RAD51AP2: variants seen among roughly 807,000 people sequenced by gnomAD.
The protein encoded by RAD51AP2 is RAD51-associated protein 2.
In RAD51AP2, 67 loss-of-function variants were observed where a neutral mutation model predicts 85.5. The observed-to-expected ratio is 0.78, with a 90% CI of 0.64 to 0.96. The LOEUF is 0.96. Ranked by LOEUF, RAD51AP2 falls within the 40% of genes least tolerant of loss-of-function variation. RAD51AP2 has a pLI of 0.00. For missense variants in RAD51AP2, 1,307 were observed against 1,332.4 expected, an observed-to-expected ratio of 0.98 and a Z score of 0.30; for synonymous variants, 474 against 446.5, an observed-to-expected ratio of 1.06 and a Z score of -0.78.
Position 17,515,864 on chromosome 2 carries a change from T to G in RAD51AP2, c.2552A>C (p.His851Pro). The change falls in exon 1 of 3, where the codon CAC becomes CCC. Residue 851 changes from histidine to proline, a missense_variant. By Grantham distance (77) the His-to-Pro change is moderately conservative. Transcript: ENST00000399080. ...TTCCTTTTCTATCTTAGTATCTTTG[T>G]GAACTTGGCAACTATTTGTTAAACT... ...AESLTNSCQV[H>P]KDTKIEKEEK... The G allele has an allele frequency of 6.2e-7, 1 of 1,608,728 alleles. No homozygotes were observed. Among genetic ancestry groups the G allele is most frequent in the Non-Finnish European group, 8.5e-7 (1 of 1,178,180 alleles).
rs1662662103 is a variant in RAD51AP2 at position 17,516,260 on chromosome 2, T to A, written c.2156A>T (p.Asn719Ile). The A allele has an allele frequency of 6.2e-7, 1 of 1,610,822 alleles. No individual in the cohort carries two copies. The highest frequency in any genetic ancestry group is 8.5e-7 in the Non-Finnish European group (1 of 1,179,212). Reference sequence around the variant, plus strand: ...ATTATAGTGAGCCCAATTTTCCACATTCACAACTTGTTGAGGACAACTCAT... The same window carrying A: ...ATTATAGTGAGCCCAATTTTCCACAATCACAACTTGTTGAGGACAACTCAT... ...QNMSCPQQVV[N>I]VENWAHYNSS... Residue 719 changes from asparagine to isoleucine, a missense_variant, in exon 1 of 3, where the codon AAT (asparagine) becomes ATT (isoleucine). By Grantham distance (149) the Asn-to-Ile change is moderately radical. Coordinates refer to ENST00000399080, the MANE Select transcript of RAD51AP2 (RefSeq NM_001099218.3).
the RAD51AP2 span, among the ~76,000 whole-genome samples, chr2:17,530,248 A>G: frequency 2.0e-5 from 3 of 152,228 alleles, no homozygotes; most frequent in African/African-American, 7.2e-5. Context: ...AGAAATATTC[A>G]GAGAAGGAAA....
chr2:17,517,391 C>G lies in RAD51AP2; in HGVS notation c.1025G>C (p.Arg342Thr). 1 of 1,613,730 alleles carries G rather than the reference C, an allele frequency of 6.2e-7. No individual in the cohort carries two copies. ...GTAGTTTGAACTGATCAAGTCTTTTCTCTTACAAGTATTTTGGCTACTGAG... is the reference window on the plus strand; with the variant it reads ...GTAGTTTGAACTGATCAAGTCTTTTGTCTTACAAGTATTTTGGCTACTGAG... The part of the protein sequence containing the change: ...PSLSSQNTCK[R>T]KDLISSNYCN... Residue 342 changes from arginine to threonine, a missense_variant, in exon 1 of 3, where the codon AGA becomes ACA. Around this residue, in one of 3 missense-constraint regions of RAD51AP2, gnomAD observed 635 missense variants for 643.6 expected, o/e 0.99. Coordinates refer to ENST00000399080, the MANE Select transcript of RAD51AP2 (RefSeq NM_001099218.3).
In RAD51AP2 at chr2:17,515,566, A is replaced by T. The variant is rs748277482; in HGVS notation, c.2850T>A (p.Tyr950Ter). The T allele has an allele frequency of 1.9e-6, 3 of 1,608,552 alleles. No individual in the cohort carries two copies. The highest frequency in any genetic ancestry group is 2.5e-6 in the Non-Finnish European group (3 of 1,178,514). ...DECFQDLAAK[Y>*]LSTEALTIVK... ...CTATTGTCAGAGCTTCTGTTGATAAATATTTAGCAGCTAAGTCCTGAAAAC... is the reference window on the plus strand; with the variant it reads ...CTATTGTCAGAGCTTCTGTTGATAATTATTTAGCAGCTAAGTCCTGAAAAC... The change falls in exon 1 of 3, where the codon TAT becomes TAA. Residue 950 changes from tyrosine (Y) to a stop codon, truncating the protein, a stop_gained. Transcript: ENST00000399080. LOFTEE classifies it high-confidence loss of function.
chr2:17,523,630 G>A, the RAD51AP2 span, among the ~76,000 whole-genome samples: 1 of 151,838 alleles, frequency 6.6e-6, no homozygotes, highest in African/African-American at 2.4e-5. Flanking sequence ...CAGGACATAT[G>A]CAAAAACCTC....
chr2:17,519,315 G>A (rs1662804094), upstream of RAD51AP2, among the ~76,000 whole-genome samples: 1 of 149,388 alleles, frequency 6.7e-6, no homozygotes, highest in Admixed American at 6.7e-5. Flanking sequence ...AGTCAATTCT[G>A]GTTTTTGTGA....
chr2:17,521,481 A>T (rs1211305495), upstream of RAD51AP2, among the ~76,000 whole-genome samples: 3 of 152,116 alleles, frequency 2.0e-5, no homozygotes, highest in African/African-American at 7.2e-5. Context: ...ACTGAAAGAT[A>T]ATAAAATATA....
chr2:17,519,191 T>C (rs1042204991), upstream of RAD51AP2, among the ~76,000 whole-genome samples: 4 of 152,050 alleles, frequency 2.6e-5, no homozygotes, highest in African/African-American at 9.7e-5. Flanking sequence ...ATGTTTGAAC[T>C]ACCCCATTTA....
chr2:17,517,419 A>C lies in RAD51AP2; in HGVS notation c.997T>G (p.Ser333Ala). 1 of 1,613,648 alleles carries C rather than the reference A, an allele frequency of 6.2e-7. No individual in the cohort carries two copies. Among genetic ancestry groups the C allele is most frequent in the East Asian group, 2.2e-5 (1 of 44,852 alleles). The change falls in exon 1 of 3, where the codon TCA becomes GCA. Residue 333 changes from serine to alanine, a missense_variant. Physicochemically the swap from Ser to Ala is moderately conservative, Grantham distance 99. This residue lies in a region of RAD51AP2 where 635 missense variants were observed against 643.6 expected (regional missense o/e 0.99). Transcript: ENST00000399080. ...FSKCYENDYP[S>A]LSSQNTCKRK... is the part of the protein sequence containing the mutation. ...TTACAAGTATTTTGGCTACTGAGTG[A>C]TGGGTAGTCATTTTCATAACATTTG...
At chr2:17,523,494 A>G in the RAD51AP2 span, among the ~76,000 whole-genome samples, 1 of 151,894 alleles carries the variant, frequency 6.6e-6, no homozygotes, top group Admixed American at 6.6e-5. Context: ...TTATGTTTCA[A>G]TAGTAATTTA....
In RAD51AP2 at chr2:17,517,051, A is replaced by G; in HGVS notation, c.1365T>C (p.Tyr455=). Residue 455 remains tyrosine (Y), a synonymous_variant, in exon 1 of 3, where the codon TAT becomes TAC. Transcript: ENST00000399080. ...DYHCAKVINA[Y]EEQSKLLVRE... ...TTACGAGAAGCTTTGATTGTTCTTC[A>G]TATGCATTGATGACTTTTGCACAGT... is the stretch of plus-strand genomic sequence containing the variant. 1.2e-6 allele frequency: 2 copies of G among 1,611,496 alleles called. No individual in the cohort carries two copies. The highest frequency in any genetic ancestry group is 1.7e-6 in the Non-Finnish European group (2 of 1,179,198).
At chr2:17,536,593 C>T in the RAD51AP2 span, among the ~76,000 whole-genome samples, 3 of 152,146 alleles carry the variant, frequency 2.0e-5, no homozygotes, top group African/African-American at 4.8e-5. Flanking sequence ...AAATCTTTCA[C>T]GGTGATTCAT....
chr2:17,517,314 C>T lies in RAD51AP2; in HGVS notation c.1102G>A (p.Ala368Thr), dbSNP rs370702992. Residue 368 changes from alanine (A) to threonine (T), a missense_variant, in exon 1 of 3, where the codon GCT becomes ACT. Ala to Thr is a moderately conservative substitution (Grantham distance 58, BLOSUM62 0). This residue lies in a region of RAD51AP2 where 635 missense variants were observed against 643.6 expected (regional missense o/e 0.99). Coordinates refer to ENST00000399080, the MANE Select transcript of RAD51AP2 (RefSeq NM_001099218.3). Reference sequence around the variant, plus strand: ...TCCCAATTTGCATTTTCTAGTATAGCGAAATTCTTTCTAGAGTCTCTTACA... The same window carrying T: ...TCCCAATTTGCATTTTCTAGTATAGTGAAATTCTTTCTAGAGTCTCTTACA... Reference protein sequence around the residue: ...CNVRDSRKNFAILENANWEEA... With the variant: ...CNVRDSRKNFTILENANWEEA... 8.7e-6 allele frequency: 14 copies of T among 1,613,938 alleles called. No homozygotes were observed. Among genetic ancestry groups the T allele is most frequent in the Non-Finnish European group, 1.1e-5 (13 of 1,179,928 alleles).
chr2:17,511,059 A>G, intron 2 of RAD51AP2, 104 bp from the exon 3 acceptor site: 1 of 621,540 alleles, frequency 1.6e-6, no homozygotes, highest in Non-Finnish European at 2.6e-6. Flanking sequence ...ATATTTACTG[A>G]GCACTTATTA....
At chr2:17,523,655 G>C in the RAD51AP2 span, among the ~76,000 whole-genome samples, 1 of 151,816 alleles carries the variant, frequency 6.6e-6, no homozygotes, top group Non-Finnish European at 1.5e-5. Context: ...AAAAATAAAA[G>C]AAGCTCGTTG....
At chr2:17,523,667 A>G in the RAD51AP2 span, among the ~76,000 whole-genome samples, 12 of 152,058 alleles carry the variant, frequency 7.9e-5, no homozygotes, top group Admixed American at 3.3e-4. Context: ...AGCTCGTTGT[A>G]GTTAGTTTTC....
chr2:17,530,730 T>C, the RAD51AP2 span, among the ~76,000 whole-genome samples: 1 of 152,162 alleles, frequency 6.6e-6, no homozygotes, highest in South Asian at 2.1e-4. Flanking sequence ...GTCCATTCTC[T>C]TAGATTGATA....
chr2:17,535,013 G>A, the RAD51AP2 span, among the ~76,000 whole-genome samples: 1 of 152,118 alleles, frequency 6.6e-6, no homozygotes, highest in South Asian at 2.1e-4. Flanking sequence ...ATTAATAGAT[G>A]TATTGTCATT....
the RAD51AP2 span, among the ~76,000 whole-genome samples, chr2:17,528,167 C>T: frequency 6.6e-6 from 1 of 152,070 alleles, no homozygotes; most frequent in Non-Finnish European, 1.5e-5. Flanking sequence ...AAATTTTGAT[C>T]CCTGCTTTAA....
Sources: allele counts gnomAD v4.1 joint callset (sites outside exome capture counted in the v4.1 genomes callset), GRCh38; gene constraint gnomAD v4.1.1; regional missense constraint gnomAD v4.1.1; transcripts MANE v1.5; gene names NCBI Gene and HGNC (gene_info 2026-07-23, HGNC 2026-07-21).